ENO1: variants seen among roughly 807,000 people sequenced by gnomAD.
ENO1 encodes the protein alpha-enolase.
A neutral mutation model predicts 46.3 loss-of-function variants in ENO1; 33 were observed. That is an observed-to-expected ratio of 0.71 (90% CI 0.54 to 0.95). The LOEUF (loss-of-function observed/expected upper bound fraction) is 0.95. ENO1 is among the 40% of genes least tolerant of loss of function. The probability of loss-of-function intolerance (pLI) is 0.00; values close to 1 mark genes in which losing one functional copy is unlikely to be tolerated. For missense variants in ENO1, 488 were observed against 553.3 expected (o/e 0.88, Z 1.18); for synonymous variants, 220 against 216.0 (o/e 1.02, Z -0.16).
At position 8,870,790 on chromosome 1, in the gene ENO1, G is replaced by A. The variant is rs28999072; in HGVS notation, c.182-280C>T. The A allele has an allele frequency of 2.0e-3, 2,850 of 1,399,250 alleles. 36 individuals carry two copies. The African/African-American group carries it at 0.036, about 18-fold the overall frequency. The allele number at this position is 1,399,250 out of a possible 1,614,324, so 86.7% of individuals were successfully genotyped here. A position where few individuals can be genotyped will look rare whatever the true frequency, so the allele number is the denominator to read the frequency against. On this transcript the variant is annotated intron_variant, in intron 3 of 11. Transcript: ENST00000234590. ...GTTTGCAAGACCATGCACTGGAAAC[G>A]CCAACTGCAGACTAAAGGCTGTTCA...
At chr1:8,863,830 G>T in intron 9 of ENO1, 61 bp downstream of exon 9, 1 of 1,565,570 alleles carries the variant, frequency 6.4e-7, no homozygotes, top group Non-Finnish European at 8.8e-7. Flanking sequence ...GAACAAAAGG[G>T]CCCTTTTCTG....
At chr1:8,869,287 G>A (rs529595716) in intron 4 of ENO1, among the ~76,000 whole-genome samples, 1 of 149,278 alleles carries the variant, frequency 6.7e-6, no homozygotes, top group East Asian at 1.9e-4. Context: ...GGGTATGAAG[G>A]GACAGAGAAC....
At chr1:8,864,282 A>G (rs1306902430) in intron 8 of ENO1, among the ~76,000 whole-genome samples, 190 bp from the exon 9 acceptor site, 1 of 152,052 alleles carries the variant, frequency 6.6e-6, no homozygotes, top group Non-Finnish European at 1.5e-5. Flanking sequence ...CAGGGGACAA[A>G]AGTCACCCAC....
chr1:8,870,756 T>G, intron 3 of ENO1: 1 of 1,420,646 alleles, frequency 7.0e-7, no homozygotes. Flanking sequence ...ACGATCTGAC[T>G]GGAGGTTAGT....
At chr1:8,866,931 T>C (rs573643725) in intron 6 of ENO1, among the ~76,000 whole-genome samples, 186 bp downstream of exon 6, 17 of 152,260 alleles carry the variant, frequency 1.1e-4, no homozygotes, top group South Asian at 8.3e-4. Flanking sequence ...CGAGCCTCCA[T>C]TGCAGATAAA....
chr1:8,863,511 C>T (rs930084170), intron 9 of ENO1, among the ~76,000 whole-genome samples, 168 bp from the exon 10 acceptor site: 1 of 152,212 alleles, frequency 6.6e-6, no homozygotes, highest in African/African-American at 2.4e-5. Flanking sequence ...CCTCACCCTC[C>T]CCTGAACTCT....
In ENO1 at chr1:8,865,968, C is replaced by A. The variant is rs886728037; in HGVS notation, c.667+311G>T. On this transcript the variant is annotated intron_variant, in intron 7 of 11. Transcript: ENST00000234590. The stretch of plus-strand genomic sequence containing the variant: ...CCTGCCAGCAGGACAGACGGACAGA[C>A]ACTTGGCTCCCCAAACTAGTAGGTA... 8.7e-6 allele frequency: 3 copies of A among 344,260 alleles called. No homozygotes were observed. The Admixed American group carries it at 1.4e-4, about 16-fold the overall frequency. The allele number at this position is 344,260 out of a possible 1,614,324, so 21.3% of individuals were successfully genotyped here. A position where few individuals can be genotyped will look rare whatever the true frequency, so the allele number is the denominator to read the frequency against.
chr1:8,862,750 C>T (rs1557577680), intron 11 of ENO1, 137 bp downstream of exon 11: 3 of 971,546 alleles, frequency 3.1e-6, no homozygotes, highest in Non-Finnish European at 4.5e-6. Flanking sequence ...TGCTCAGGGC[C>T]TGGCTGTCTG....
At chr1:8,864,408 C>T (rs1642468800) in intron 8 of ENO1, among the ~76,000 whole-genome samples, 1 of 152,214 alleles carries the variant, frequency 6.6e-6, no homozygotes, top group Non-Finnish European at 1.5e-5. Flanking sequence ...TCAAATGATC[C>T]TCCCACCTCA....
At chr1:8,867,390 T>C (rs1642543334) in intron 5 of ENO1, 140 bp from the exon 6 acceptor site, 1 of 1,230,278 alleles carries the variant, frequency 8.1e-7, no homozygotes, top group Non-Finnish European at 1.1e-6. Flanking sequence ...GAAATACAAA[T>C]AGCATTCTAT....
chr1:8,871,791 A>G, intron 3 of ENO1, 100 bp downstream of exon 3: 1 of 1,372,424 alleles, frequency 7.3e-7, no homozygotes, highest in South Asian at 1.2e-5. Context: ...CCTGCCATAA[A>G]CCTGCAAGTG....
chr1:8,878,099 G>C (rs896544363), intron 1 of ENO1: 3 of 155,084 alleles, frequency 1.9e-5, no homozygotes, highest in Non-Finnish European at 4.3e-5. Context: ...CTACCGGTGG[G>C]GGAGGGGGCC....
intron 11 of ENO1, among the ~76,000 whole-genome samples, chr1:8,861,824 A>G (rs28999101): frequency 0.064 from 9,719 of 151,106 alleles, 1,097 homozygotes; most frequent in African/African-American, 0.23. Context: ...CATGGGGAGA[A>G]AAGGAGAGTG....
At chr1:8,867,841 T>G (rs529601028) in intron 5 of ENO1, 147 bp downstream of exon 5, 3 of 775,340 alleles carry the variant, frequency 3.9e-6, no homozygotes, top group South Asian at 3.5e-5. Flanking sequence ...AAAGTGTGAT[T>G]TCTTAAGAGT....
In ENO1 at chr1:8,863,872, C is replaced by T. The variant is rs375359255; in HGVS notation, c.1067+19G>A. The T allele has an allele frequency of 8.7e-6, 14 of 1,613,808 alleles. 1 individual carries two copies. Among genetic ancestry groups the T allele is most frequent in the Admixed American group, 6.7e-5 (4 of 60,000 alleles). Reference sequence around the variant, plus strand: ...AAGCCGTAGCTGCGGGAAAGCTGCTCGCCTGGGAAGACACTTACGCCTGAA... The same window carrying T: ...AAGCCGTAGCTGCGGGAAAGCTGCTTGCCTGGGAAGACACTTACGCCTGAA... On this transcript the variant is annotated intron_variant, in intron 9 of 11. Coordinates refer to ENST00000234590, the MANE Select transcript of ENO1 (RefSeq NM_001428.5).
intron 3 of ENO1, 180 bp from the exon 4 acceptor site, chr1:8,870,690 G>C: frequency 6.8e-7 from 1 of 1,464,330 alleles, no homozygotes; most frequent in African/African-American, 1.4e-5. Context: ...CAGTCTGAGT[G>C]CTCCTACCTA....
chr1:8,870,363 A>G (rs993337672), intron 4 of ENO1, 89 bp downstream of exon 4: 60 of 1,531,766 alleles, frequency 3.9e-5, no homozygotes, highest in East Asian at 1.8e-4. Flanking sequence ...AGCTCTCAGA[A>G]TAAGCTCTTC....
At chr1:8,861,764 T>C (rs560669400) in intron 11 of ENO1, among the ~76,000 whole-genome samples, 11 of 151,746 alleles carry the variant, frequency 7.2e-5, no homozygotes, top group African/African-American at 2.2e-4. Flanking sequence ...ATATAAAAAT[T>C]CTAATGCTTT....
intron 2 of ENO1, 62 bp from the exon 3 acceptor site, chr1:8,872,048 G>T: frequency 7.1e-7 from 1 of 1,404,070 alleles, no homozygotes; most frequent in Non-Finnish European, 1.0e-6. Context: ...ACAATCCCAA[G>T]TCCCCTCCCG....
Sources: allele counts gnomAD v4.1 joint callset (sites outside exome capture counted in the v4.1 genomes callset), GRCh38; gene constraint gnomAD v4.1.1; transcripts MANE v1.5; gene names NCBI Gene and HGNC (gene_info 2026-07-23, HGNC 2026-07-21).